ERP27: variants seen among roughly 807,000 people sequenced by gnomAD.
The protein encoded by ERP27 is endoplasmic reticulum protein 27.
A neutral mutation model predicts 27.7 loss-of-function variants in ERP27; 23 were observed. That is an observed-to-expected ratio of 0.83 (90% CI 0.60 to 1.18). The LOEUF (loss-of-function observed/expected upper bound fraction) is 1.18, where lower values mean the gene tolerates loss of function less well. Among genes scored for constraint, ERP27 ranks in the 50% most tolerant of loss-of-function variants. The probability of loss-of-function intolerance (pLI) is 0.00; values close to 1 mark genes in which losing one functional copy is unlikely to be tolerated. For synonymous variants in ERP27, 159 were observed against 118.3 expected (o/e 1.34, Z -2.23); for missense variants, 363 against 327.9 (o/e 1.11, Z -0.83).
At chr12:14,924,538 G>C (rs907588007) in intron 3 of ERP27, among the ~76,000 whole-genome samples, 4 of 152,134 alleles carry the variant, frequency 2.6e-5, no homozygotes. Context: ...ACCAGCGTTT[G>C]TTATTTTTTG....
At position 14,933,652 on chromosome 12, in the gene ERP27, A is replaced by C. The variant is rs188232102; in HGVS notation, c.333+1204T>G. Among the ~76,000 whole-genome samples the C allele has an allele frequency of 5.9e-3, 891 of 152,230 alleles. 8 individuals are homozygous for C. The highest frequency in any genetic ancestry group is 0.021 in the African/African-American group (858 of 41,530). ...AAAACTTTTTCTTTTCCATCAATTTACTCTTTTTCAGTGGACTCTTGATAT... is the reference window on the plus strand; with the variant it reads ...AAAACTTTTTCTTTTCCATCAATTTCCTCTTTTTCAGTGGACTCTTGATAT... On this transcript the variant is annotated intron_variant, in intron 3 of 6. Coordinates refer to ENST00000266397, the MANE Select transcript of ERP27 (RefSeq NM_152321.4).
intron 4 of ERP27, among the ~76,000 whole-genome samples, chr12:14,919,709 T>A (rs1863471141): frequency 6.6e-6 from 1 of 152,202 alleles, no homozygotes; most frequent in Non-Finnish European, 1.5e-5. Context: ...ACATAGGCTG[T>A]CTCTGAAGCT....
chr12:14,927,316 T>C (rs978569180), intron 3 of ERP27, among the ~76,000 whole-genome samples: 1 of 152,048 alleles, frequency 6.6e-6, no homozygotes, highest in Non-Finnish European at 1.5e-5. Context: ...TATATTTGTG[T>C]GTGTGTGCGT....
At chr12:14,938,223 C>A (rs1175337924) in intron 1 of ERP27, among the ~76,000 whole-genome samples, 171 bp from the exon 2 acceptor site, 1 of 152,072 alleles carries the variant, frequency 6.6e-6, no homozygotes, top group Non-Finnish European at 1.5e-5. Context: ...GGAAGGTGAC[C>A]CTACTGATGG....
Position 14,914,574 on chromosome 12 carries a change from G to GCA in ERP27, c.*160_*161insTG. On this transcript the variant is annotated 3_prime_UTR_variant, in exon 7 of 7. Coordinates refer to ENST00000266397, the MANE Select transcript of ERP27 (RefSeq NM_152321.4). The stretch of plus-strand genomic sequence containing the variant: ...AATGAAGCTCTGTGTGTGTGTGTGT[G>GCA]TGTGCGTGTGTGTGTGCACGCGTGC... 1 of 556,776 alleles carries GCA rather than the reference G, an allele frequency of 1.8e-6. No homozygotes were observed. The highest frequency in any genetic ancestry group is 3.1e-6 in the Non-Finnish European group (1 of 325,378). 34.5% of individuals were successfully genotyped at this position (556,776 alleles called of 1,614,324 possible). A position where few individuals can be genotyped will look rare whatever the true frequency, so the allele number is the denominator to read the frequency against.
chr12:14,917,074 A>T, intron 5 of ERP27, 104 bp downstream of exon 5: 2 of 1,380,112 alleles, frequency 1.4e-6, no homozygotes, highest in Non-Finnish European at 1.0e-6. Context: ...CTATCTCCTA[A>T]CCATAGTTGT....
At chr12:14,930,576 A>T (rs2430707) in intron 3 of ERP27, among the ~76,000 whole-genome samples, 60,020 of 152,090 alleles carry the variant, frequency 0.39, 12,512 homozygotes, top group African/African-American at 0.5. Flanking sequence ...ATGCTGTTAC[A>T]CTCACAAAAG....
At chr12:14,926,975 C>A (rs978118902) in intron 3 of ERP27, among the ~76,000 whole-genome samples, 4 of 152,122 alleles carry the variant, frequency 2.6e-5, no homozygotes, top group Non-Finnish European at 5.9e-5. Context: ...GACAAATTCT[C>A]CCCGTTTGGC....
In ERP27 at chr12:14,938,413, A is replaced by G. The variant is rs1298736082; in HGVS notation, c.94+2T>C. ...AGCCACCCAACTACATTTTTCTTTT[A>G]CCTGAGGATTTCTCAACTTCTGCAG... On this transcript the variant is annotated splice_donor_variant, in intron 1 of 6. Transcript: ENST00000266397. LOFTEE classifies it high-confidence loss of function. 4 of 1,613,886 alleles carry G rather than the reference A, an allele frequency of 2.5e-6. No individual in the cohort carries two copies. Among genetic ancestry groups the G allele is most frequent in the Middle Eastern group, 1.6e-4 (1 of 6,084 alleles).
chr12:14,934,779 T>C, intron 3 of ERP27, 77 bp downstream of exon 3: 4 of 1,564,084 alleles, frequency 2.6e-6, no homozygotes, highest in Non-Finnish European at 3.5e-6. Context: ...CATAGAGTCC[T>C]TTCCAGTCTC....
intron 4 of ERP27, 60 bp downstream of exon 4, chr12:14,920,872 A>G: frequency 4.6e-6 from 6 of 1,315,788 alleles, no homozygotes; most frequent in Non-Finnish European, 6.6e-6. Context: ...TCTGTTATGA[A>G]GACCAGTACC....
chr12:14,924,294 G>A (rs1365748932), intron 3 of ERP27, among the ~76,000 whole-genome samples: 1 of 152,154 alleles, frequency 6.6e-6, no homozygotes, highest in African/African-American at 2.4e-5. Context: ...CACGTAAGTT[G>A]ATTCCATTTC....
At chr12:14,931,612 G>A (rs1430080216) in intron 3 of ERP27, among the ~76,000 whole-genome samples, 2 of 151,952 alleles carry the variant, frequency 1.3e-5, no homozygotes, top group South Asian at 2.1e-4. Flanking sequence ...CGTCACTAGC[G>A]GTAAACAAAA....
chr12:14,926,910 C>T (rs770992642), intron 3 of ERP27, among the ~76,000 whole-genome samples: 1 of 152,128 alleles, frequency 6.6e-6, no homozygotes, highest in African/African-American at 2.4e-5. Context: ...TTTCTTTCCT[C>T]TGCTTAGAGA....
intron 3 of ERP27, among the ~76,000 whole-genome samples, chr12:14,932,338 T>C (rs989961567): frequency 4.6e-5 from 7 of 152,176 alleles, no homozygotes; most frequent in African/African-American, 1.7e-4. Flanking sequence ...AGGGTAACAT[T>C]CCTGAACTGA....
chr12:14,915,620 T>G lies in ERP27; in HGVS notation c.643A>C (p.Lys215Gln). Residue 215 changes from lysine (K) to glutamine (Q), a missense_variant, in exon 6 of 7, where the codon AAG becomes CAG. By Grantham distance (53) the Lys-to-Gln change is moderately conservative. Transcript: ENST00000266397. ...NGKVISFFKL[K>Q]ESQLPALAIY... is the part of the protein sequence containing the mutation. The stretch of plus-strand genomic sequence containing the variant: ...GCCAAAGCTGGCAGTTGAGACTCCT[T>G]TAGTTTGAAAAATGATATCACCTTC... The G allele has an allele frequency of 1.2e-6, 2 of 1,614,196 alleles. No homozygotes were observed. The highest frequency in any genetic ancestry group is 1.7e-6 in the Non-Finnish European group (2 of 1,180,034).
intron 3 of ERP27, among the ~76,000 whole-genome samples, chr12:14,932,953 A>G (rs757980084): frequency 6.6e-6 from 1 of 152,256 alleles, no homozygotes; most frequent in Non-Finnish European, 1.5e-5. Flanking sequence ...TTATGAGGGT[A>G]TATACCCAGC....
intron 2 of ERP27, among the ~76,000 whole-genome samples, chr12:14,935,432 G>A (rs909432511): frequency 6.6e-6 from 1 of 152,152 alleles, no homozygotes; most frequent in Non-Finnish European, 1.5e-5. Context: ...ACTCATTCCT[G>A]CATGTAGGTT....
intron 4 of ERP27, among the ~76,000 whole-genome samples, chr12:14,918,398 A>G (rs1413294134): frequency 1.3e-5 from 2 of 152,244 alleles, no homozygotes; most frequent in Non-Finnish European, 2.9e-5. Flanking sequence ...TTTGCTGATT[A>G]GAGATGGTGA....
Sources: allele counts gnomAD v4.1 joint callset (sites outside exome capture counted in the v4.1 genomes callset), GRCh38; gene constraint gnomAD v4.1.1; transcripts MANE v1.5; gene names NCBI Gene and HGNC (gene_info 2026-07-23, HGNC 2026-07-21).